Variants in TMEM45B observed in about 807,000 individuals in gnomAD.
TMEM45B encodes the protein transmembrane protein 45B.
Under a neutral mutation model 27.3 loss-of-function variants are expected in TMEM45B, and 29 were observed. That is an observed-to-expected ratio of 1.06 (90% CI 0.79 to 1.45). TMEM45B has a LOEUF of 1.45. Ranked by LOEUF, TMEM45B falls within the 40% of genes most tolerant of loss-of-function variation. The pLI is 0.00. For missense variants in TMEM45B, 348 were observed against 343.9 expected, an observed-to-expected ratio of 1.01 and a Z score of -0.09; for synonymous variants, 143 against 134.7, an observed-to-expected ratio of 1.06 and a Z score of -0.43.
At chr11:129,848,003 GC>G (rs1315939495) in intron 1 of TMEM45B, among the ~76,000 whole-genome samples, 7 of 150,166 alleles carry the variant, frequency 4.7e-5, no homozygotes, top group South Asian at 2.1e-4. Context: ...TGGGATGGCG[GC>G]CGGGCAGAGA....
chr11:129,826,436 C>G (rs954195000), intron 1 of TMEM45B, among the ~76,000 whole-genome samples: 3 of 150,052 alleles, frequency 2.0e-5, no homozygotes, highest in African/African-American at 7.4e-5. Flanking sequence ...GTAGTCCCAG[C>G]TAATCGGGAG....
chr11:129,858,046 A>C (rs1207725057), intron 5 of TMEM45B, among the ~76,000 whole-genome samples: 1 of 152,198 alleles, frequency 6.6e-6, no homozygotes, highest in Non-Finnish European at 1.5e-5. Flanking sequence ...CAGGTGGAGA[A>C]AACAAGGCTT....
intron 1 of TMEM45B, among the ~76,000 whole-genome samples, chr11:129,844,394 A>G (rs971326861): frequency 5.3e-5 from 8 of 152,222 alleles, no homozygotes; most frequent in African/African-American, 1.9e-4. Context: ...ATCATTAATA[A>G]TAATATACTG....
chr11:129,817,891 CAT>C (rs1947371151), intron 1 of TMEM45B, among the ~76,000 whole-genome samples: 1 of 152,358 alleles, frequency 6.6e-6, no homozygotes, highest in Admixed American at 6.5e-5. Flanking sequence ...TTTCACCACA[CAT>C]AGAGTCACTC....
rs144022264 is a variant in TMEM45B at position 129,858,465 on chromosome 11, G to A, written c.717-109G>A. On this transcript the variant is annotated intron_variant, in intron 5 of 5. Transcript: ENST00000281441. ...TTATAGACATGTAATCACAGTATTT[G>A]ATAGAAATATAAAGAAAATAGTTTA... 1.6e-4 allele frequency: 107 copies of A among 690,126 alleles called. No homozygotes were observed. In the African/African-American group the frequency reaches 1.7e-3, roughly 11 times the overall value. 42.8% of individuals were successfully genotyped at this position (690,126 alleles called of 1,614,324 possible). A position where few individuals can be genotyped will look rare whatever the true frequency, so the allele number is the denominator to read the frequency against.
chr11:129,854,842 G>A (rs1249015964), intron 3 of TMEM45B, 26 bp downstream of exon 3: 6 of 1,605,272 alleles, frequency 3.7e-6, no homozygotes, highest in Non-Finnish European at 4.2e-6. Flanking sequence ...GGATGGAGAG[G>A]AAGGAGAGCC....
At chr11:129,846,328 C>T (rs533255938) in intron 1 of TMEM45B, among the ~76,000 whole-genome samples, 211 of 152,184 alleles carry the variant, frequency 1.4e-3, no homozygotes, top group African/African-American at 4.7e-3. Context: ...ATTAGCCAGG[C>T]GTGGTGGCAC....
chr11:129,827,683 A>G (rs1947502189), intron 1 of TMEM45B, among the ~76,000 whole-genome samples: 1 of 151,996 alleles, frequency 6.6e-6, no homozygotes, highest in African/African-American at 2.4e-5. Flanking sequence ...CGTGCCTGTA[A>G]TCCCAGCTAC....
chr11:129,832,151 A>G (rs1947557138), intron 1 of TMEM45B, among the ~76,000 whole-genome samples: 1 of 151,290 alleles, frequency 6.6e-6, no homozygotes, highest in Admixed American at 6.6e-5. Flanking sequence ...CAGGTGGATC[A>G]TGAGGTCAGG....
rs776066179 is a variant in TMEM45B at position 129,852,508 on chromosome 11, T to C, written c.26T>C (p.Leu9Pro). 1.2e-6 allele frequency: 2 copies of C among 1,608,488 alleles called. No individual in the cohort carries two copies. The highest frequency in any genetic ancestry group is 2.2e-5 in the East Asian group (1 of 44,710). MANFKGHA[L>P]PGSFFLIIGL... Reference sequence around the variant, plus strand: ...ATGGCAAATTTCAAGGGCCACGCGCTTCCAGGGAGTTTCTTCCTGATCATT... The same window carrying C: ...ATGGCAAATTTCAAGGGCCACGCGCCTCCAGGGAGTTTCTTCCTGATCATT... Residue 9 changes from leucine to proline, a missense_variant, in exon 2 of 6, where the codon CTT (leucine) becomes CCT (proline). Coordinates refer to ENST00000281441, the MANE Select transcript of TMEM45B (RefSeq NM_138788.5).
At position 129,844,542 on chromosome 11, in the gene TMEM45B, C is replaced by T. The variant is rs183177674; in HGVS notation, c.-8-7933C>T. 3.2e-4 allele frequency among the ~76,000 whole-genome samples: 49 copies of T among 152,184 alleles called. No individual in the cohort carries two copies. In the East Asian group the frequency reaches 9.5e-3, roughly 29 times the overall value. On this transcript the variant is annotated intron_variant, in intron 1 of 5. Coordinates refer to ENST00000281441, the MANE Select transcript of TMEM45B (RefSeq NM_138788.5). ...CTCTACAAAAAATTTTTTAAATTGG[C>T]CAGGCGTGGTGGCCTGCACCTGTAG...
chr11:129,845,612 G>T (rs1947751285), intron 1 of TMEM45B, among the ~76,000 whole-genome samples: 1 of 151,730 alleles, frequency 6.6e-6, no homozygotes. Context: ...AGGCACGGAG[G>T]AACAAAAAAA....
chr11:129,844,854 T>A (rs1375524269), intron 1 of TMEM45B, among the ~76,000 whole-genome samples: 1 of 152,166 alleles, frequency 6.6e-6, no homozygotes, highest in Non-Finnish European at 1.5e-5. Context: ...TATCAAATCA[T>A]CATGTTATAT....
chr11:129,857,488 C>T, intron 5 of TMEM45B, 30 bp downstream of exon 5: 2 of 1,612,840 alleles, frequency 1.2e-6, no homozygotes, highest in Non-Finnish European at 1.7e-6. Context: ...GAAGCTTTTC[C>T]TCCTAACTCT....
At chr11:129,840,978 A>C (rs559559465) in intron 1 of TMEM45B, among the ~76,000 whole-genome samples, 23 of 150,478 alleles carry the variant, frequency 1.5e-4, no homozygotes, top group South Asian at 2.1e-4. Context: ...AAAGCAACAA[A>C]CAACCAAAAA....
intron 1 of TMEM45B, among the ~76,000 whole-genome samples, chr11:129,840,621 G>A (rs1947677433): frequency 6.6e-6 from 1 of 152,086 alleles, no homozygotes; most frequent in African/African-American, 2.4e-5. Flanking sequence ...AGTGGCTCAC[G>A]TCTGTAATCC....
intron 1 of TMEM45B, among the ~76,000 whole-genome samples, chr11:129,844,647 A>G (rs1947735111): frequency 6.6e-6 from 1 of 152,208 alleles, no homozygotes; most frequent in Non-Finnish European, 1.5e-5. Flanking sequence ...TGATTATGCC[A>G]CTGCACTCCA....
Position 129,826,417 on chromosome 11 carries a change from C to CGGGT in TMEM45B, c.-9+10521_-9+10524dup, listed in dbSNP as rs1168537121. On this transcript the variant is annotated intron_variant, in intron 1 of 5. Transcript: ENST00000281441. ...ACAAAAAATTAGCTGGGCGTGGTGG[C>CGGGT]GGGTGCCTGTAGTCCCAGCTAATCG... Among the ~76,000 whole-genome samples the CGGGT allele has an allele frequency of 2.0e-3, 303 of 151,092 alleles. 1 individual carries two copies. Among genetic ancestry groups the CGGGT allele is most frequent in the Non-Finnish European group, 3.5e-3 (235 of 67,760 alleles).
At chr11:129,852,843 G>A (rs1947867725) in intron 2 of TMEM45B, 183 bp downstream of exon 2, 5 of 506,888 alleles carry the variant, frequency 9.9e-6, no homozygotes, top group African/African-American at 5.9e-5. Context: ...TAATACTAAC[G>A]GTTGACAGCT....
Sources: allele counts gnomAD v4.1 joint callset (sites outside exome capture counted in the v4.1 genomes callset), GRCh38; gene constraint gnomAD v4.1.1; transcripts MANE v1.5; gene names NCBI Gene and HGNC (gene_info 2026-07-23, HGNC 2026-07-21).